Variants in BRD10 observed in about 807,000 individuals in gnomAD.
BRD10 encodes the protein bromodomain containing 10, also known as uncharacterized bromodomain-containing protein 10.
chr9:5,907,112 G>A, the BRD10 span: 4 of 619,122 alleles, frequency 6.5e-6, no homozygotes, highest in African/African-American at 7.7e-5. Context: ...CATTGCCACT[G>A]AACTATATAC....
At chr9:5,911,502 T>C in the BRD10 span, among the ~76,000 whole-genome samples, 3 of 151,646 alleles carry the variant, frequency 2.0e-5, no homozygotes, top group African/African-American at 4.8e-5. Context: ...CTTCCAGTTT[T>C]GTTCTTTTTG....
the BRD10 span, among the ~76,000 whole-genome samples, chr9:5,882,874 C>T: frequency 1.3e-5 from 2 of 152,082 alleles, no homozygotes; most frequent in Admixed American, 1.3e-4. Context: ...ATGGATGAAG[C>T]TGGAAACCAT....
chr9:5,951,499 G>C, the BRD10 span, among the ~76,000 whole-genome samples: 8 of 152,086 alleles, frequency 5.3e-5, no homozygotes, highest in Non-Finnish European at 8.8e-5. Flanking sequence ...ATTTCAGAAT[G>C]AATAATATGA....
the BRD10 span, among the ~76,000 whole-genome samples, chr9:5,934,774 G>A: frequency 6.6e-6 from 1 of 151,946 alleles, no homozygotes; most frequent in Non-Finnish European, 1.5e-5. Context: ...TGAGTTAGCT[G>A]GGCACTAAAA....
chr9:6,008,047 G>T, the BRD10 span: 8 of 1,137,968 alleles, frequency 7.0e-6, no homozygotes, highest in South Asian at 4.2e-5. Context: ...CCCCCCCGGC[G>T]GCGGCGCGCG....
chr9:5,968,853 T>C, the BRD10 span: 5 of 1,613,630 alleles, frequency 3.1e-6, no homozygotes, highest in Non-Finnish European at 4.2e-6. Flanking sequence ...TAACCAAGAA[T>C]AACTTCCCTG....
chr9:5,988,416 A>C, the BRD10 span: 1 of 1,613,750 alleles, frequency 6.2e-7, no homozygotes, highest in South Asian at 1.1e-5. Context: ...CAAAAACTCC[A>C]CTTGTCAAGC....
chr9:5,884,715 AC>A, the BRD10 span, among the ~76,000 whole-genome samples: 1 of 152,088 alleles, frequency 6.6e-6, no homozygotes, highest in African/African-American at 2.4e-5. Context: ...ATTGTAGTGA[AC>A]CCTGGTGTTG....
At chr9:5,981,598 AATCT>A in the BRD10 span, among the ~76,000 whole-genome samples, 5 of 152,234 alleles carry the variant, frequency 3.3e-5, no homozygotes, top group East Asian at 3.9e-4. Flanking sequence ...ATCATCAATT[AATCT>A]ATCTATCCAT....
chr9:5,885,592 T>C, the BRD10 span, among the ~76,000 whole-genome samples: 2 of 152,158 alleles, frequency 1.3e-5, no homozygotes, highest in Admixed American at 1.3e-4. Context: ...AGGCTAGTCT[T>C]GAACTCCTGA....
chr9:5,938,874 A>G, the BRD10 span, among the ~76,000 whole-genome samples: 3 of 152,220 alleles, frequency 2.0e-5, no homozygotes, highest in Non-Finnish European at 4.4e-5. Context: ...AATTTTAAGA[A>G]TAATTTAGAG....
the BRD10 span, among the ~76,000 whole-genome samples, chr9:5,903,407 T>A: frequency 1.3e-5 from 2 of 152,340 alleles, no homozygotes; most frequent in Admixed American, 6.5e-5. Context: ...TTAGGTTTGA[T>A]TTGCTAATAT....
the BRD10 span, chr9:5,921,379 A>G: frequency 1.2e-6 from 2 of 1,614,016 alleles, no homozygotes; most frequent in Non-Finnish European, 1.7e-6. Context: ...GAGTCTTAAC[A>G]TATGCTTTAT....
At chr9:5,980,494 T>C in the BRD10 span, among the ~76,000 whole-genome samples, 1 of 152,200 alleles carries the variant, frequency 6.6e-6, no homozygotes, top group Non-Finnish European at 1.5e-5. Context: ...TAGCATATAC[T>C]GCACAAGGAA....
the BRD10 span, among the ~76,000 whole-genome samples, chr9:5,926,359 T>G: frequency 2.0e-5 from 3 of 151,048 alleles, no homozygotes; most frequent in Non-Finnish European, 2.9e-5. Context: ...CAGGCTGGAG[T>G]ACAAGTGGCA....
the BRD10 span, chr9:5,924,541 T>A: frequency 1.8e-6 from 1 of 566,294 alleles, no homozygotes; most frequent in East Asian, 2.9e-5. Context: ...CTTCAAAACA[T>A]AACAGATTTC....
the BRD10 span, among the ~76,000 whole-genome samples, chr9:5,905,262 AC>A: frequency 6.6e-6 from 1 of 151,906 alleles, no homozygotes; most frequent in Non-Finnish European, 1.5e-5. Flanking sequence ...AACTGAATGG[AC>A]CCCCTCTTCA....
the BRD10 span, among the ~76,000 whole-genome samples, chr9:5,931,506 A>G: frequency 6.6e-6 from 1 of 152,192 alleles, no homozygotes; most frequent in African/African-American, 2.4e-5. Flanking sequence ...AAGCTTAAAT[A>G]TTATGATCAG....
At chr9:5,920,309 C>T in the BRD10 span, 31 of 1,613,922 alleles carry the variant, frequency 1.9e-5, no homozygotes, top group East Asian at 1.3e-4. Context: ...AACAATAAAC[C>T]GGGTTCCGTT....
Sources: allele counts gnomAD v4.1 joint callset (sites outside exome capture counted in the v4.1 genomes callset), GRCh38; gene constraint gnomAD v4.1.1; transcripts MANE v1.5; gene names NCBI Gene and HGNC (gene_info 2026-07-23, HGNC 2026-07-21).